The following TNFRSF19 variants were observed in gnomAD, a reference collection of about 807,000 sequenced individuals.
The protein encoded by TNFRSF19 is TNF receptor superfamily member 19, also known as tumor necrosis factor receptor superfamily member 19.
TNFRSF19 carries 27 observed loss-of-function variants against 46.4 expected under a neutral mutation model. The observed-to-expected ratio is 0.58, with a 90% CI of 0.43 to 0.80. The LOEUF (loss-of-function observed/expected upper bound fraction) is 0.80, where lower values mean the gene tolerates loss of function less well. Ranked by LOEUF, TNFRSF19 falls within the 30% of genes least tolerant of loss-of-function variation. The probability of loss-of-function intolerance (pLI) is 0.00; values close to 1 mark genes in which losing one functional copy is unlikely to be tolerated. For missense variants in TNFRSF19, 511 were observed against 530.8 expected, an observed-to-expected ratio of 0.96 and a Z score of 0.37; for synonymous variants, 204 against 205.0, an observed-to-expected ratio of 1.00 and a Z score of 0.04.
At chr13:23,650,888 G>A (rs752568546) in intron 5 of TNFRSF19, among the ~76,000 whole-genome samples, 6 of 152,154 alleles carry the variant, frequency 3.9e-5, no homozygotes, top group South Asian at 4.1e-4. Flanking sequence ...CATAAATGAC[G>A]AAGCCTTCTT....
chr13:23,645,754 T>C (rs1490875063), intron 5 of TNFRSF19, among the ~76,000 whole-genome samples: 1 of 152,180 alleles, frequency 6.6e-6, no homozygotes, highest in Admixed American at 6.5e-5. Context: ...ACTGATGCTT[T>C]TTGAATTTAT....
chr13:23,571,290 C>A (rs1877619182), intron 1 of TNFRSF19, among the ~76,000 whole-genome samples: 1 of 152,176 alleles, frequency 6.6e-6, no homozygotes, highest in Non-Finnish European at 1.5e-5. Flanking sequence ...GTATCTCTGG[C>A]AATACTGTTT....
chr13:23,625,828 T>A (rs1881963782), intron 4 of TNFRSF19, among the ~76,000 whole-genome samples: 1 of 152,198 alleles, frequency 6.6e-6, no homozygotes, highest in East Asian at 1.9e-4. Context: ...ACACCAGCAC[T>A]TGACTAATTT....
At chr13:23,616,874 C>T (rs1224730680) in intron 4 of TNFRSF19, among the ~76,000 whole-genome samples, 6 of 152,046 alleles carry the variant, frequency 3.9e-5, no homozygotes, top group Admixed American at 2.0e-4. Flanking sequence ...CCACCATGCC[C>T]GGCTTCTTAT....
In TNFRSF19 at chr13:23,673,354, T is replaced by G; in HGVS notation, c.1246-18T>G. The G allele has an allele frequency of 6.3e-7, 1 of 1,597,388 alleles. No individual in the cohort carries two copies. The highest frequency in any genetic ancestry group is 8.5e-7 in the Non-Finnish European group (1 of 1,170,164). On this transcript the variant is annotated intron_variant, in intron 9 of 9. Coordinates refer to ENST00000248484, the MANE Select transcript of TNFRSF19 (RefSeq NM_148957.4). ...GTAAGACATTATTTCTAAAGCTTCC[T>G]TTCTGTTGCTGTTTTAGGAAGCTTA... is the stretch of plus-strand genomic sequence containing the variant.
intron 1 of TNFRSF19, among the ~76,000 whole-genome samples, chr13:23,574,482 A>G (rs902850035): frequency 6.7e-6 from 1 of 150,272 alleles, no homozygotes; most frequent in Admixed American, 6.6e-5. Context: ...TTCCTTTTAT[A>G]TATTTTGTAA....
chr13:23,616,194 A>C, intron 4 of TNFRSF19, 149 bp downstream of exon 4: 1 of 803,260 alleles, frequency 1.2e-6, no homozygotes, highest in East Asian at 2.8e-5. Flanking sequence ...AGTATTAACC[A>C]CTGGATTATC....
At chr13:23,668,134 A>T in intron 8 of TNFRSF19, 52 bp downstream of exon 8, 16 of 1,415,426 alleles carry the variant, frequency 1.1e-5, no homozygotes, top group Non-Finnish European at 1.5e-5. Flanking sequence ...GCAAATATGC[A>T]TTCTACTAAT....
At chr13:23,573,485 C>CG (rs1877759274) in intron 1 of TNFRSF19, among the ~76,000 whole-genome samples, 1 of 151,568 alleles carries the variant, frequency 6.6e-6, no homozygotes, top group Non-Finnish European at 1.5e-5. Context: ...GTGTTTGCCT[C>CG]TGTGTGTGTG....
In TNFRSF19 at chr13:23,593,364, A is replaced by G; in HGVS notation, c.89A>G (p.Glu30Gly). 1 of 1,577,818 alleles carries G rather than the reference A, an allele frequency of 6.3e-7. No individual in the cohort carries two copies. Residue 30 changes from glutamate (E) to glycine (G), a missense_variant, in exon 3 of 10, where the codon GAA (glutamate) becomes GGA (glycine). Physicochemically the swap from Glu to Gly is moderately conservative, Grantham distance 98 (BLOSUM62 -2). Transcript: ENST00000248484. ...LGYLSCKVTC[E>G]SGDCRQQEFR... ...TTTCAGTCATGTAAAGTGACTTGTG[A>G]ATCAGGAGACTGTAGACAGCAAGAA...
chr13:23,623,522 C>T (rs766038850), intron 4 of TNFRSF19, among the ~76,000 whole-genome samples: 16 of 152,158 alleles, frequency 1.1e-4, no homozygotes, highest in South Asian at 2.1e-4. Context: ...GAGGAACCTA[C>T]GTGCTGTTTT....
At position 23,669,093 on chromosome 13, in the gene TNFRSF19, T is replaced by C; in HGVS notation, c.1241T>C (p.Leu414Pro). The change falls in exon 9 of 10, where the codon CTC (leucine) becomes CCC (proline). Residue 414 changes from leucine to proline, a missense_variant. By Grantham distance (98) the Leu-to-Pro change is moderately conservative. Around this residue, in one of 3 missense-constraint regions of TNFRSF19, gnomAD observed 376 missense variants for 372.7 expected, o/e 1.01. Coordinates refer to ENST00000248484, the MANE Select transcript of TNFRSF19 (RefSeq NM_148957.4). ...AVIHPATQTS[L>P]QEA is the part of the protein sequence containing the mutation. ...ATCCACCCAGCCACTCAGACGTCCC[T>C]CCAGGTAAGGCAGCGACTGGGTTCC... 6.2e-7 allele frequency: 1 copy of C among 1,613,796 alleles called. No individual in the cohort carries two copies. The highest frequency in any genetic ancestry group is 8.5e-7 in the Non-Finnish European group (1 of 1,179,904).
intron 5 of TNFRSF19, among the ~76,000 whole-genome samples, chr13:23,638,905 T>C (rs1882869068): frequency 6.6e-6 from 1 of 152,246 alleles, no homozygotes; most frequent in African/African-American, 2.4e-5. Flanking sequence ...TCTGCTGGTC[T>C]GTTGTGTAAT....
chr13:23,581,592 A>T (rs1194495111), intron 1 of TNFRSF19, among the ~76,000 whole-genome samples: 13 of 152,210 alleles, frequency 8.5e-5, no homozygotes, highest in Non-Finnish European at 1.5e-5. Flanking sequence ...TTATAATGGA[A>T]AATGGATTGC....
At chr13:23,630,435 C>G (rs768135344) in intron 5 of TNFRSF19, among the ~76,000 whole-genome samples, 1 of 152,096 alleles carries the variant, frequency 6.6e-6, no homozygotes, top group Non-Finnish European at 1.5e-5. Context: ...TCTGGCCCTA[C>G]CCCCACCAGA....
At chr13:23,582,638 A>G (rs956940095) in intron 1 of TNFRSF19, among the ~76,000 whole-genome samples, 2 of 152,228 alleles carry the variant, frequency 1.3e-5, no homozygotes, top group Non-Finnish European at 2.9e-5. Flanking sequence ...GAAACTGCCA[A>G]CACAATCCTG....
At chr13:23,656,428 C>T (rs559097617) in intron 5 of TNFRSF19, among the ~76,000 whole-genome samples, 8 of 152,096 alleles carry the variant, frequency 5.3e-5, no homozygotes, top group South Asian at 2.1e-4. Flanking sequence ...AATAAGTTGA[C>T]GAATGTATTA....
chr13:23,586,089 T>C (rs1878808159), intron 1 of TNFRSF19, among the ~76,000 whole-genome samples: 1 of 151,638 alleles, frequency 6.6e-6, no homozygotes, highest in Non-Finnish European at 1.5e-5. Flanking sequence ...AAACCCCGTC[T>C]CTACTAAAAA....
chr13:23,621,460 C>T (rs181925938), intron 4 of TNFRSF19, among the ~76,000 whole-genome samples: 1 of 152,258 alleles, frequency 6.6e-6, no homozygotes, highest in African/African-American at 2.4e-5. Context: ...TTCAGAAAAT[C>T]CCATCCTGAC....
Sources: allele counts gnomAD v4.1 joint callset (sites outside exome capture counted in the v4.1 genomes callset), GRCh38; gene constraint gnomAD v4.1.1; regional missense constraint gnomAD v4.1.1; transcripts MANE v1.5; gene names NCBI Gene and HGNC (gene_info 2026-07-23, HGNC 2026-07-21).